The following SLC35F2 variants were observed in gnomAD, a reference collection of about 807,000 sequenced individuals.
The protein encoded by SLC35F2 is queuine/queuosine transporter SLC35F2.
SLC35F2 carries 25 observed loss-of-function variants against 38.1 expected under a neutral mutation model. The ratio of observed to expected loss-of-function variants is 0.66; its 90% CI spans 0.48 to 0.92. The LOEUF is 0.92. Ranked by LOEUF, SLC35F2 falls within the 40% of genes least tolerant of loss-of-function variation. The pLI is 0.00. For missense variants in SLC35F2, 409 were observed against 452.9 expected (o/e 0.90, Z 0.88); for synonymous variants, 173 against 181.7 (o/e 0.95, Z 0.38).
intron 1 of SLC35F2, among the ~76,000 whole-genome samples, chr11:107,833,518 C>CAAAAAAAAAAAAAAAAAAAAAAA (rs34376803): frequency 6.7e-5 from 6 of 89,534 alleles, no homozygotes; most frequent in African/African-American, 1.5e-4. Context: ...GACTCTGTCT[C>CAAAAAAAAAAAAAAAAAAAAAAA]AAAAAAAAAA....
At chr11:107,828,420 C>T (rs976217043) in intron 1 of SLC35F2, among the ~76,000 whole-genome samples, 6 of 142,194 alleles carry the variant, frequency 4.2e-5, no homozygotes, top group East Asian at 2.1e-4. Flanking sequence ...CCTTAAAGAC[C>T]GAAACTCCAT....
chr11:107,805,569 C>G, intron 4 of SLC35F2, 54 bp from the exon 5 acceptor site: 1 of 1,568,776 alleles, frequency 6.4e-7, no homozygotes, highest in Non-Finnish European at 8.6e-7. Flanking sequence ...TGAACCTCCA[C>G]AGCGTGCCTC....
chr11:107,802,528 A>C (rs1030546134), intron 7 of SLC35F2, among the ~76,000 whole-genome samples: 1 of 152,210 alleles, frequency 6.6e-6, no homozygotes, highest in African/African-American at 2.4e-5. Flanking sequence ...TAAGATATAA[A>C]ATTACTATCA....
In SLC35F2 at chr11:107,792,583, CT is replaced by C; in HGVS notation, c.*31del. ...AGCAGGCAGCAGGCTCTGCTTTATC[CT>C]GGTGGGGGATGGGTGCGCCATCTTC... is the stretch of plus-strand genomic sequence containing the variant. On this transcript the variant is annotated 3_prime_UTR_variant, in exon 8 of 8. Transcript: ENST00000525815. 1 of 1,572,352 alleles carries C rather than the reference CT, an allele frequency of 6.4e-7. No homozygotes were observed. Among genetic ancestry groups the C allele is most frequent in the Non-Finnish European group, 8.6e-7 (1 of 1,160,666 alleles).
intron 1 of SLC35F2, among the ~76,000 whole-genome samples, chr11:107,818,067 AAAAAAAAAGAAAGAAAGAAAG>A (rs1859605704): frequency 7.4e-6 from 1 of 134,766 alleles, no homozygotes; most frequent in Non-Finnish European, 1.5e-5. Context: ...AAAAAAAAAA[AAAAAAAAAGAAAGAAAGAAAG>A]AAAGAAAGAA....
intron 1 of SLC35F2, among the ~76,000 whole-genome samples, chr11:107,856,922 AGGG>A (rs1455748420): frequency 1.8e-5 from 1 of 55,844 alleles, no homozygotes; most frequent in Non-Finnish European, 3.5e-5. Flanking sequence ...GGAGGGAGGG[AGGG>A]AAAAGAGGGA....
At position 107,798,783 on chromosome 11, in the gene SLC35F2, A is replaced by C. The variant is rs1305741287; in HGVS notation, c.939+4218T>G. On this transcript the variant is annotated intron_variant, in intron 7 of 7. Coordinates refer to ENST00000525815, the MANE Select transcript of SLC35F2 (RefSeq NM_017515.5). The stretch of plus-strand genomic sequence containing the variant: ...TCAAGCTTACAATCTGCCTTTAAAA[A>C]CTACTTCTTGGCCAGGCTCAGTGGC... Among the ~76,000 whole-genome samples, 4 of 152,302 alleles carry C rather than the reference A, an allele frequency of 2.6e-5. No individual in the cohort carries two copies. The South Asian group carries it at 6.2e-4, about 24-fold the overall frequency.
chr11:107,836,892 T>A (rs1246772038), intron 1 of SLC35F2, among the ~76,000 whole-genome samples: 1 of 152,170 alleles, frequency 6.6e-6, no homozygotes, highest in Admixed American at 6.5e-5. Flanking sequence ...AATCATAATG[T>A]TATAACTATT....
chr11:107,858,496 C>T, intron 1 of SLC35F2, 162 bp downstream of exon 1: 1 of 537,688 alleles, frequency 1.9e-6, no homozygotes, highest in Non-Finnish European at 2.9e-6. Flanking sequence ...TGAAGCGCAC[C>T]ATACCTGGTG....
intron 1 of SLC35F2, among the ~76,000 whole-genome samples, chr11:107,840,032 G>A (rs965630446): frequency 6.6e-6 from 1 of 152,138 alleles, no homozygotes; most frequent in Non-Finnish European, 1.5e-5. Context: ...TTAGGGGGAA[G>A]GGGGCAAAAT....
chr11:107,840,081 A>G (rs1206440231), intron 1 of SLC35F2, among the ~76,000 whole-genome samples: 2 of 152,106 alleles, frequency 1.3e-5, no homozygotes, highest in African/African-American at 2.4e-5. Flanking sequence ...TATATGGAGT[A>G]TGTGGCCTCT....
intron 7 of SLC35F2, among the ~76,000 whole-genome samples, chr11:107,793,237 A>C (rs1190550985): frequency 6.6e-6 from 1 of 152,200 alleles, no homozygotes; most frequent in East Asian, 1.9e-4. Flanking sequence ...TTTTTCTGAA[A>C]GTTACCTAAG....
intron 3 of SLC35F2, chr11:107,810,811 T>A: frequency 1.0e-6 from 1 of 979,732 alleles, no homozygotes; most frequent in Non-Finnish European, 1.2e-6. Context: ...ATATTTTCTA[T>A]GCGAAATAAG....
chr11:107,826,810 T>C (rs1311372041), intron 1 of SLC35F2, among the ~76,000 whole-genome samples: 1 of 152,180 alleles, frequency 6.6e-6, no homozygotes, highest in Non-Finnish European at 1.5e-5. Context: ...AATTTGATAG[T>C]ACACTCCTAA....
At chr11:107,812,448 C>T (rs111886760) in intron 2 of SLC35F2, among the ~76,000 whole-genome samples, 1,647 of 151,626 alleles carry the variant, frequency 0.011, 10 homozygotes, top group Admixed American at 0.02. Flanking sequence ...GAGGTGAGGG[C>T]AGAGGACAGC....
chr11:107,794,385 A>G (rs1859185292), intron 7 of SLC35F2, among the ~76,000 whole-genome samples: 1 of 152,124 alleles, frequency 6.6e-6, no homozygotes, highest in African/African-American at 2.4e-5. Context: ...GGCCATCAGT[A>G]TGTATGTTTA....
chr11:107,851,963 A>G (rs1156998399), intron 1 of SLC35F2, among the ~76,000 whole-genome samples: 1 of 152,212 alleles, frequency 6.6e-6, no homozygotes, highest in African/African-American at 2.4e-5. Context: ...ACACAGTGAG[A>G]GCTCAATAGA....
intron 1 of SLC35F2, among the ~76,000 whole-genome samples, chr11:107,842,558 C>T (rs1399879921): frequency 6.6e-6 from 1 of 151,960 alleles, no homozygotes; most frequent in East Asian, 1.9e-4. Flanking sequence ...CTCACTCTGT[C>T]ACCCAGGCTG....
At chr11:107,834,876 A>G (rs1287075255) in intron 1 of SLC35F2, among the ~76,000 whole-genome samples, 1 of 152,156 alleles carries the variant, frequency 6.6e-6, no homozygotes, top group Non-Finnish European at 1.5e-5. Flanking sequence ...ATTATTATAC[A>G]TTTAAGTTGG....
Sources: gnomAD v4.1 joint callset for allele counts (sites outside exome capture counted in the v4.1 genomes callset) on GRCh38, gnomAD v4.1.1 for gene constraint, MANE v1.5 for transcripts, NCBI Gene and HGNC (gene_info 2026-07-23, HGNC 2026-07-21) for gene names.